The following UBR1 variants were observed in gnomAD, a reference collection of about 807,000 sequenced individuals.
The protein encoded by UBR1 is E3 ubiquitin-protein ligase UBR1.
In UBR1, 102 loss-of-function variants were observed where a neutral mutation model predicts 242.1. The observed-to-expected ratio is 0.42, with a 90% CI of 0.36 to 0.50. The LOEUF (loss-of-function observed/expected upper bound fraction) is 0.50, where lower values mean the gene tolerates loss of function less well. Ranked by LOEUF, UBR1 falls within the 20% of genes least tolerant of loss-of-function variation. The pLI is 0.01. For missense variants in UBR1, 1,772 were observed against 2,101.8 expected, an observed-to-expected ratio of 0.84 and a Z score of 3.07; for synonymous variants, 675 against 684.8, an observed-to-expected ratio of 0.99 and a Z score of 0.22.
At chr15:43,013,879 C>T (rs1340617049) in intron 29 of UBR1, among the ~76,000 whole-genome samples, 1 of 152,152 alleles carries the variant, frequency 6.6e-6, no homozygotes, top group Non-Finnish European at 1.5e-5. Flanking sequence ...TCCCCCTCCC[C>T]CTCCCCACGG....
intron 29 of UBR1, among the ~76,000 whole-genome samples, chr15:43,008,729 T>C (rs554656480): frequency 2.0e-5 from 3 of 152,256 alleles, no homozygotes; most frequent in African/African-American, 7.2e-5. Context: ...CAGCACACAC[T>C]TTCTCTCTTC....
Position 43,048,490 on chromosome 15 carries a change from A to G in UBR1, c.1441T>C (p.Tyr481His), listed in dbSNP as rs1482447945. The change falls in exon 13 of 47, where the codon TAT becomes CAT. Residue 481 changes from tyrosine to histidine, a missense_variant and splice_region_variant. Transcript: ENST00000290650. Reference protein sequence around the residue: ...RVYAVICDLKYILISKPTIWT... With the variant: ...RVYAVICDLKHILISKPTIWT... Reference sequence around the variant, plus strand: ...ATTGTGGGTTTGCTGATCAGGATATACCTATCGTTTCAAGAAAGAAAGAAA... The same window carrying G: ...ATTGTGGGTTTGCTGATCAGGATATGCCTATCGTTTCAAGAAAGAAAGAAA... 1.2e-6 allele frequency: 2 copies of G among 1,607,674 alleles called. No individual in the cohort carries two copies. The highest frequency in any genetic ancestry group is 1.7e-6 in the Non-Finnish European group (2 of 1,174,760).
intron 21 of UBR1, 115 bp downstream of exon 21, chr15:43,029,829 T>C (rs1465719079): frequency 8.4e-7 from 1 of 1,184,046 alleles, no homozygotes; most frequent in South Asian, 1.3e-5. Context: ...TTTACATCTA[T>C]AAGGTAATGA....
At chr15:43,028,469 G>A (rs1305711377) in intron 21 of UBR1, among the ~76,000 whole-genome samples, 9 of 152,152 alleles carry the variant, frequency 5.9e-5, no homozygotes, top group South Asian at 2.1e-4. Context: ...ATATTTGGCC[G>A]GGCACAGTGG....
At chr15:43,097,677 C>CT (rs1213670656) in intron 1 of UBR1, among the ~76,000 whole-genome samples, 1 of 152,240 alleles carries the variant, frequency 6.6e-6, no homozygotes, top group Non-Finnish European at 1.5e-5. Context: ...TTTTCTTAAA[C>CT]ATCACGAACC....
chr15:43,095,137 C>A (rs1479008003), intron 1 of UBR1, among the ~76,000 whole-genome samples: 1 of 152,174 alleles, frequency 6.6e-6, no homozygotes, highest in Non-Finnish European at 1.5e-5. Context: ...CTAAAATCCT[C>A]TCTTAAATTA....
At chr15:43,048,693 G>A (rs2033516014) in intron 12 of UBR1, among the ~76,000 whole-genome samples, 1 of 152,140 alleles carries the variant, frequency 6.6e-6, no homozygotes, top group Non-Finnish European at 1.5e-5. Flanking sequence ...TCTAGAAGAG[G>A]CAGATATCAA....
chr15:43,063,482 TATTAAC>T (rs2033712966), intron 6 of UBR1, among the ~76,000 whole-genome samples: 1 of 152,110 alleles, frequency 6.6e-6, no homozygotes, highest in Non-Finnish European at 1.5e-5. Context: ...CAATCTGCAA[TATTAAC>T]CTTGTACATA....
intron 44 of UBR1, among the ~76,000 whole-genome samples, chr15:42,955,695 C>A (rs1023034281): frequency 6.6e-6 from 1 of 152,158 alleles, no homozygotes. Context: ...TATTCACCCC[C>A]CAATGGTGAA....
intron 3 of UBR1, among the ~76,000 whole-genome samples, chr15:43,082,357 T>A (rs1413747456): frequency 6.6e-6 from 1 of 152,196 alleles, no homozygotes; most frequent in African/African-American, 2.4e-5. Context: ...AAATTTTGTT[T>A]GTTTTCTTGT....
chr15:43,065,171 G>T (rs996381329), intron 6 of UBR1, among the ~76,000 whole-genome samples: 2 of 152,088 alleles, frequency 1.3e-5, no homozygotes, highest in Non-Finnish European at 2.9e-5. Flanking sequence ...TATAGGTATT[G>T]ACATCTGACC....
rs1351499088 is a variant in UBR1, at chr15:42,958,094, C to A, written c.4758-4G>T. On this transcript the variant is annotated splice_polypyrimidine_tract_variant and splice_region_variant and intron_variant, in intron 43 of 46. Transcript: ENST00000290650. ...ACTATTTCTTTTTCTAGGGTACCTA[C>A]AATGTAATTTAAAAGGCAATTTTAT... 6.2e-7 allele frequency: 1 copy of A among 1,610,312 alleles called. No homozygotes were observed. Among genetic ancestry groups the A allele is most frequent in the Middle Eastern group, 1.7e-4 (1 of 6,046 alleles).
intron 43 of UBR1, among the ~76,000 whole-genome samples, chr15:42,959,734 C>T (rs970136394): frequency 1.3e-5 from 2 of 152,202 alleles, no homozygotes; most frequent in Admixed American, 1.3e-4. Flanking sequence ...TGATGTGACT[C>T]CTACTGCATC....
At chr15:43,071,961 T>C (rs1287156592) in intron 4 of UBR1, among the ~76,000 whole-genome samples, 1 of 152,140 alleles carries the variant, frequency 6.6e-6, no homozygotes, top group Non-Finnish European at 1.5e-5. Flanking sequence ...GGATACAAGA[T>C]AATGTTACAA....
At chr15:42,976,682 G>A (rs756213204) in intron 39 of UBR1, 35 bp downstream of exon 39, 3 of 1,612,568 alleles carry the variant, frequency 1.9e-6, no homozygotes, top group South Asian at 1.1e-5. Context: ...ATGGCAAAAT[G>A]TTATTCACAG....
intron 15 of UBR1, 152 bp downstream of exon 15, chr15:43,043,063 C>T (rs1294084985): frequency 1.2e-6 from 1 of 818,820 alleles, no homozygotes; most frequent in Non-Finnish European, 1.9e-6. Flanking sequence ...GTGACAGCTC[C>T]TTGAAGGACA....
intron 30 of UBR1, among the ~76,000 whole-genome samples, chr15:43,004,187 C>G (rs1024579338): frequency 6.6e-6 from 1 of 152,176 alleles, no homozygotes; most frequent in Non-Finnish European, 1.5e-5. Flanking sequence ...TGGGTTTAAT[C>G]TGCATTATCT....
Position 42,944,692 on chromosome 15 carries a change from C to G in UBR1, c.*637G>C, listed in dbSNP as rs908772844. 1 of 153,660 alleles carries G rather than the reference C, an allele frequency of 6.5e-6. No individual in the cohort carries two copies. Among genetic ancestry groups the G allele is most frequent in the Non-Finnish European group, 1.4e-5 (1 of 69,110 alleles). The allele number at this position is 153,660 out of a possible 1,614,324, so 9.5% of individuals were successfully genotyped here. ...ATGAATAACAAATACATTACCCTAA[C>G]TTTTCTTGAGGCCTACAGTGAGAAA... is the stretch of plus-strand genomic sequence containing the variant. On this transcript the variant is annotated 3_prime_UTR_variant, in exon 47 of 47. Transcript: ENST00000290650.
chr15:43,105,801 T>A, intron 1 of UBR1, 141 bp downstream of exon 1: 1 of 777,154 alleles, frequency 1.3e-6, no homozygotes, highest in African/African-American at 1.7e-5. Flanking sequence ...ACTAACTTTT[T>A]ATTCGGTGGC....
Sources: gnomAD v4.1 joint callset for allele counts (sites outside exome capture counted in the v4.1 genomes callset) on GRCh38, gnomAD v4.1.1 for gene constraint, MANE v1.5 for transcripts, NCBI Gene and HGNC (gene_info 2026-07-23, HGNC 2026-07-21) for gene names.